Variants in RAB28 observed in about 807,000 individuals in gnomAD.
RAB28 encodes ras-related protein Rab-28.
In RAB28, 24 loss-of-function variants were observed where a neutral mutation model predicts 31.7. The observed-to-expected ratio is 0.76, with a 90% CI of 0.55 to 1.06. The LOEUF is 1.06. Among genes scored for constraint, RAB28 ranks in the 50% least tolerant of loss-of-function variants. RAB28 has a pLI of 0.00. For synonymous variants in RAB28, 100 were observed against 90.4 expected (o/e 1.11, Z -0.60); for missense variants, 254 against 258.5 (o/e 0.98, Z 0.12).
chr4:13,375,013 G>T (rs80075186), intron 6 of RAB28, among the ~76,000 whole-genome samples: 2,219 of 152,066 alleles, frequency 0.015, 54 homozygotes, highest in African/African-American at 0.05. Context: ...TTCTACCCAG[G>T]TATATTATTC....
At chr4:13,444,606 AATTTAC>A (rs1714603089) in intron 4 of RAB28, among the ~76,000 whole-genome samples, 1 of 152,194 alleles carries the variant, frequency 6.6e-6, no homozygotes, top group Non-Finnish European at 1.5e-5. Context: ...TGGCTGTACT[AATTTAC>A]ATTTCGAACA....
At position 13,368,552 on chromosome 4, in the gene RAB28, AT is replaced by A; in HGVS notation, c.*5del. The A allele has an allele frequency of 4.4e-6, 7 of 1,603,958 alleles. No homozygotes were observed. Among genetic ancestry groups the A allele is most frequent in the Non-Finnish European group, 6.0e-6 (7 of 1,175,740 alleles). On this transcript the variant is annotated 3_prime_UTR_variant, in exon 7 of 7. Transcript: ENST00000330852. ...CCAGAACTATCAACACAAAAGAAAA[AT>A]GCGCTCACTGAACTGCACACATAGA... is the stretch of plus-strand genomic sequence containing the variant.
At chr4:13,460,954 T>C in intron 3 of RAB28, 126 bp from the exon 4 acceptor site, 1 of 859,726 alleles carries the variant, frequency 1.2e-6, no homozygotes, top group South Asian at 1.9e-5. Flanking sequence ...GTGTTTTATA[T>C]ATAAACTTCC....
chr4:13,419,048 A>G (rs1712961597), intron 4 of RAB28, among the ~76,000 whole-genome samples: 1 of 152,188 alleles, frequency 6.6e-6, no homozygotes, highest in Non-Finnish European at 1.5e-5. Context: ...ATAAAGGGAT[A>G]GAGGAAGATC....
At chr4:13,404,872 T>C (rs1274075183) in intron 4 of RAB28, among the ~76,000 whole-genome samples, 1 of 151,984 alleles carries the variant, frequency 6.6e-6, no homozygotes, top group Non-Finnish European at 1.5e-5. Context: ...TTTTTGTTGG[T>C]TTTCAGTTAC....
At chr4:13,436,960 A>G (rs372194840) in intron 4 of RAB28, among the ~76,000 whole-genome samples, 2 of 152,186 alleles carry the variant, frequency 1.3e-5, no homozygotes, top group African/African-American at 4.8e-5. Context: ...ACTTCAAACT[A>G]TAGTATAAGG....
chr4:13,394,999 G>A (rs567962164), intron 4 of RAB28, among the ~76,000 whole-genome samples: 35 of 152,186 alleles, frequency 2.3e-4, no homozygotes, highest in Admixed American at 2.2e-3. Context: ...ATGACTTAAC[G>A]AAAGTCTCAA....
At chr4:13,413,166 C>T (rs956366226) in intron 4 of RAB28, among the ~76,000 whole-genome samples, 1 of 152,122 alleles carries the variant, frequency 6.6e-6, no homozygotes, top group Non-Finnish European at 1.5e-5. Flanking sequence ...TGTTATCCAT[C>T]AATCTCTCCA....
intron 4 of RAB28, among the ~76,000 whole-genome samples, chr4:13,435,036 G>T (rs980185696): frequency 1.6e-5 from 2 of 129,002 alleles, no homozygotes; most frequent in East Asian, 4.3e-4. Context: ...AAAAAAAAAA[G>T]AAAAGAAAAA....
rs188175064 is a variant in RAB28, at chr4:13,465,100, C to T, written c.262-4272G>A. On this transcript the variant is annotated intron_variant, in intron 3 of 6. Coordinates refer to ENST00000330852, the MANE Select transcript of RAB28 (RefSeq NM_001017979.3). Reference sequence around the variant, plus strand: ...GACAGGATAATAGAAACTTCTACAACTGAAATGCAAAAAGAAAAAAACAAC... The same window carrying T: ...GACAGGATAATAGAAACTTCTACAATTGAAATGCAAAAAGAAAAAAACAAC... Among the ~76,000 whole-genome samples, 189 of 151,868 alleles carry T rather than the reference C, an allele frequency of 1.2e-3. 1 individual carries two copies. Among genetic ancestry groups the T allele is most frequent in the Non-Finnish European group, 2.0e-3 (139 of 67,888 alleles).
At chr4:13,389,241 G>A (rs1261907371) in intron 4 of RAB28, among the ~76,000 whole-genome samples, 1 of 152,120 alleles carries the variant, frequency 6.6e-6, no homozygotes, top group African/African-American at 2.4e-5. Context: ...ACTCTTATGA[G>A]GTTAACTAAA....
At chr4:13,399,627 T>A (rs1711631351) in intron 4 of RAB28, among the ~76,000 whole-genome samples, 2 of 152,248 alleles carry the variant, frequency 1.3e-5, no homozygotes, top group South Asian at 4.1e-4. Flanking sequence ...TGTGCCAATC[T>A]AGAAAGCATA....
At position 13,434,014 on chromosome 4, in the gene RAB28, A is replaced by C. The variant is rs1027871286; in HGVS notation, c.391+26685T>G. On this transcript the variant is annotated intron_variant, in intron 4 of 6. Coordinates refer to ENST00000330852, the MANE Select transcript of RAB28 (RefSeq NM_001017979.3). ...GAACTAAATCATGTCCTTTGCAGCAACATGGATACAACTGGAGGCCACTAT... is the reference window on the plus strand; with the variant it reads ...GAACTAAATCATGTCCTTTGCAGCACCATGGATACAACTGGAGGCCACTAT... 2.0e-5 allele frequency among the ~76,000 whole-genome samples: 3 copies of C among 152,234 alleles called. No individual in the cohort carries two copies. The South Asian group carries it at 6.2e-4, about 32-fold the overall frequency.
intron 4 of RAB28, among the ~76,000 whole-genome samples, chr4:13,438,185 G>A (rs907351826): frequency 1.1e-4 from 17 of 152,180 alleles, no homozygotes; most frequent in South Asian, 4.2e-4. Flanking sequence ...GGTAAAATAC[G>A]AATCAAAACA....
chr4:13,423,869 G>A (rs145802205), intron 4 of RAB28, among the ~76,000 whole-genome samples: 73 of 152,144 alleles, frequency 4.8e-4, no homozygotes, highest in African/African-American at 1.8e-3. Context: ...CACTGGGGAG[G>A]GAAGGGGAGT....
chr4:13,431,287 T>C (rs1032265734), intron 4 of RAB28, among the ~76,000 whole-genome samples: 8 of 152,160 alleles, frequency 5.3e-5, no homozygotes, highest in South Asian at 2.1e-4. Context: ...CTGAAGGTTA[T>C]GAGCCCTGCA....
chr4:13,418,499 G>C (rs751155311), intron 4 of RAB28, among the ~76,000 whole-genome samples: 6 of 152,188 alleles, frequency 3.9e-5, no homozygotes, highest in Non-Finnish European at 5.9e-5. Context: ...AGGGCAGCCA[G>C]AGAGAAAAGT....
chr4:13,439,212 A>C (rs1714285250), intron 4 of RAB28, among the ~76,000 whole-genome samples: 1 of 152,116 alleles, frequency 6.6e-6, no homozygotes, highest in Non-Finnish European at 1.5e-5. Flanking sequence ...CTCTCTACAG[A>C]CTTGATTTTA....
intron 4 of RAB28, among the ~76,000 whole-genome samples, chr4:13,409,654 T>A (rs1391858764): frequency 6.6e-6 from 1 of 152,204 alleles, no homozygotes; most frequent in Non-Finnish European, 1.5e-5. Flanking sequence ...TGAGAGCTAC[T>A]ACCATACCTG....
Sources: allele counts gnomAD v4.1 joint callset (sites outside exome capture counted in the v4.1 genomes callset), GRCh38; gene constraint gnomAD v4.1.1; transcripts MANE v1.5; gene names NCBI Gene and HGNC (gene_info 2026-07-23, HGNC 2026-07-21).